ZCCHC24: variants seen among roughly 807,000 people sequenced by gnomAD.
ZCCHC24 encodes zinc finger CCHC-type containing 24, also known as zinc finger CCHC domain-containing protein 24.
A neutral mutation model predicts 26.2 loss-of-function variants in ZCCHC24; 10 were observed. The ratio of observed to expected loss-of-function variants is 0.38; its 90% CI spans 0.24 to 0.65. The LOEUF (loss-of-function observed/expected upper bound fraction) is 0.65. Ranked by LOEUF, ZCCHC24 falls within the 30% of genes least tolerant of loss-of-function variation. ZCCHC24 has a pLI of 0.54. For synonymous variants in ZCCHC24, 144 were observed against 147.1 expected (o/e 0.98, Z 0.15); for missense variants, 243 against 329.1 (o/e 0.74, Z 2.03).
chr10:79,434,895 C>T lies in ZCCHC24; in HGVS notation c.247-2137G>A, dbSNP rs367993529. Among the ~76,000 whole-genome samples the T allele has an allele frequency of 7.0e-4, 106 of 152,276 alleles. 1 individual carries two copies. The East Asian group carries it at 0.014, about 20-fold the overall frequency. On this transcript the variant is annotated intron_variant, in intron 1 of 3. Transcript: ENST00000372336. ...CATGCCCGTGAAACAACAACGCCCC[C>T]GCCTACTGCAGCCCAATCTGTATTT...
chr10:79,404,395 C>T (rs529679494), intron 2 of ZCCHC24, among the ~76,000 whole-genome samples: 210 of 152,248 alleles, frequency 1.4e-3, no homozygotes, highest in Middle Eastern at 3.4e-3. Flanking sequence ...GCAAACCACA[C>T]GGATCAGAGC....
chr10:79,415,089 T>C (rs1856842754), intron 2 of ZCCHC24, among the ~76,000 whole-genome samples: 1 of 152,172 alleles, frequency 6.6e-6, no homozygotes, highest in Admixed American at 6.5e-5. Flanking sequence ...TGATCTTGGG[T>C]ACCATGAAGG....
At chr10:79,390,044 AT>A (rs906167419) in intron 3 of ZCCHC24, among the ~76,000 whole-genome samples, 2 of 151,932 alleles carry the variant, frequency 1.3e-5, no homozygotes, top group African/African-American at 2.4e-5. Flanking sequence ...TTTAAAAAAA[AT>A]TTTTTTATAG....
At chr10:79,388,814 A>G (rs1856434139) in intron 3 of ZCCHC24, among the ~76,000 whole-genome samples, 1 of 152,156 alleles carries the variant, frequency 6.6e-6, no homozygotes, top group Non-Finnish European at 1.5e-5. Flanking sequence ...TGGCACAGGG[A>G]GGAAACAGGT....
At chr10:79,427,607 A>T (rs1042808799) in intron 2 of ZCCHC24, among the ~76,000 whole-genome samples, 31 of 108,242 alleles carry the variant, frequency 2.9e-4, no homozygotes, top group African/African-American at 1.2e-3. Context: ...AGAGGAAATC[A>T]CAAGGGAAAT....
At chr10:79,423,607 A>ATATATATATATATATATATATATATATC in intron 2 of ZCCHC24, among the ~76,000 whole-genome samples, 1 of 140,382 alleles carries the variant, frequency 7.1e-6, no homozygotes, top group African/African-American at 2.7e-5. Context: ...ATATATATAT[A>ATATATATATATATATATATATATATATC]TATTTTCTGA....
intron 3 of ZCCHC24, among the ~76,000 whole-genome samples, chr10:79,390,318 C>T (rs1046756923): frequency 2.0e-5 from 3 of 152,226 alleles, no homozygotes; most frequent in African/African-American, 7.2e-5. Context: ...GCTAACTCTA[C>T]ATGATAGGGT....
At chr10:79,444,039 AC>A in intron 1 of ZCCHC24, 1 of 1,482,864 alleles carries the variant, frequency 6.7e-7, no homozygotes, top group Admixed American at 2.5e-5. Context: ...CCCCCAGCAC[AC>A]CCTTGCGTAC....
At chr10:79,434,818 C>T (rs900050524) in intron 1 of ZCCHC24, among the ~76,000 whole-genome samples, 1 of 152,180 alleles carries the variant, frequency 6.6e-6, no homozygotes, top group African/African-American at 2.4e-5. Context: ...TGTTGTGCAG[C>T]CATCGCCACC....
At chr10:79,400,983 T>C (rs1168673667) in intron 2 of ZCCHC24, among the ~76,000 whole-genome samples, 4 of 152,258 alleles carry the variant, frequency 2.6e-5, no homozygotes, top group Admixed American at 6.5e-5. Flanking sequence ...AGGGTGAAGC[T>C]TGATCTCCCC....
intron 2 of ZCCHC24, among the ~76,000 whole-genome samples, chr10:79,403,029 G>A (rs1214092404): frequency 6.6e-6 from 1 of 152,200 alleles, no homozygotes; most frequent in Non-Finnish European, 1.5e-5. Flanking sequence ...TCTTCATGGA[G>A]CTCTCAGTCC....
At position 79,384,889 on chromosome 10, in the gene ZCCHC24, A is replaced by T. The variant is rs554168797; in HGVS notation, c.*1456T>A. The T allele has an allele frequency of 2.0e-5, 3 of 152,442 alleles. No individual in the cohort carries two copies. The highest frequency in any genetic ancestry group is 2.9e-5 in the Non-Finnish European group (2 of 68,020). 9.4% of individuals were successfully genotyped at this position (152,442 alleles called of 1,614,324 possible). Reference sequence around the variant, plus strand: ...GACCCAGTTCTGACAGCCGGGAGAAAGGAAGGGTCAAGACCATGGAAACGG... The same window carrying T: ...GACCCAGTTCTGACAGCCGGGAGAATGGAAGGGTCAAGACCATGGAAACGG... On this transcript the variant is annotated 3_prime_UTR_variant, in exon 4 of 4. Coordinates refer to ENST00000372336, the MANE Select transcript of ZCCHC24 (RefSeq NM_153367.4).
chr10:79,444,480 C>A (rs551119215), intron 1 of ZCCHC24, among the ~76,000 whole-genome samples: 3 of 149,122 alleles, frequency 2.0e-5, no homozygotes, highest in African/African-American at 7.4e-5. Flanking sequence ...CTCCCCCCCC[C>A]TTTCTAGCCC....
chr10:79,403,565 C>G, intron 2 of ZCCHC24: 1 of 985,418 alleles, frequency 1.0e-6, no homozygotes, highest in Non-Finnish European at 1.2e-6. Context: ...CTGCAGGATG[C>G]TGGGAGGGAG....
chr10:79,419,094 T>G (rs60552835), intron 2 of ZCCHC24, among the ~76,000 whole-genome samples: 4,028 of 152,238 alleles, frequency 0.026, 201 homozygotes, highest in African/African-American at 0.091. Context: ...CAGGGGTGGG[T>G]CAGGGAGAAG....
chr10:79,432,273 A>G (rs1163485004), intron 2 of ZCCHC24, among the ~76,000 whole-genome samples: 2 of 152,242 alleles, frequency 1.3e-5, no homozygotes, highest in African/African-American at 2.4e-5. Context: ...TGGAGACCCA[A>G]AGGCACAGAA....
chr10:79,386,161 C>A lies in ZCCHC24; in HGVS notation c.*184G>T. ...GCTTTCCCTGGCCTGTGGGGGGCAGCAATGTCAGTAACACTGTTTGTCAAC... is the reference window on the plus strand; with the variant it reads ...GCTTTCCCTGGCCTGTGGGGGGCAGAAATGTCAGTAACACTGTTTGTCAAC... On this transcript the variant is annotated 3_prime_UTR_variant, in exon 4 of 4. Transcript: ENST00000372336. 1 of 615,198 alleles carries A rather than the reference C, an allele frequency of 1.6e-6. No homozygotes were observed. The highest frequency in any genetic ancestry group is 2.0e-5 in the South Asian group (1 of 50,878). 38.1% of individuals were successfully genotyped at this position (615,198 alleles called of 1,614,324 possible). A position where few individuals can be genotyped will look rare whatever the true frequency, so the allele number is the denominator to read the frequency against.
chr10:79,386,245 C>A lies in ZCCHC24; in HGVS notation c.*100G>T, dbSNP rs769370960. The A allele has an allele frequency of 3.5e-6, 4 of 1,146,374 alleles. No homozygotes were observed. Among genetic ancestry groups the A allele is most frequent in the Non-Finnish European group, 3.8e-6 (3 of 779,688 alleles). 71.0% of individuals were successfully genotyped at this position (1,146,374 alleles called of 1,614,324 possible). On this transcript the variant is annotated 3_prime_UTR_variant, in exon 4 of 4. Coordinates refer to ENST00000372336, the MANE Select transcript of ZCCHC24 (RefSeq NM_153367.4). ...CCAGCCCCGCAGGCCTGCGAGGGCA[C>A]CCCATGCACAGGGCGACACGCAGCC...
At chr10:79,395,576 GA>G (rs1856535388) in intron 2 of ZCCHC24, among the ~76,000 whole-genome samples, 1 of 152,174 alleles carries the variant, frequency 6.6e-6, no homozygotes, top group Admixed American at 6.5e-5. Flanking sequence ...AGCATCAACA[GA>G]GTTTTCATTA....
Sources: allele counts gnomAD v4.1 joint callset (sites outside exome capture counted in the v4.1 genomes callset), GRCh38; gene constraint gnomAD v4.1.1; transcripts MANE v1.5; gene names NCBI Gene and HGNC (gene_info 2026-07-23, HGNC 2026-07-21).